The following CTPS2 variants were observed in gnomAD, a reference collection of about 807,000 sequenced individuals.
CTPS2 encodes the protein CTP synthase 2, also known as CTP synthase II.
CTPS2 carries 19 observed loss-of-function variants against 46.8 expected under a neutral mutation model. The observed-to-expected ratio is 0.41, with a 90% CI of 0.28 to 0.60. The LOEUF is 0.60. Among genes scored for constraint, CTPS2 ranks in the 20% least tolerant of loss-of-function variants. CTPS2 has a pLI of 0.35. For missense variants in CTPS2, 286 were observed against 447.6 expected (o/e 0.64, Z 3.26); for synonymous variants, 151 against 165.2 (o/e 0.91, Z 0.66).
At chrX:16,601,572 CGGGG>C (rs5901589) in intron 17 of CTPS2, among the ~76,000 whole-genome samples, 102 of 70,632 alleles carry the variant, frequency 1.4e-3, no homozygotes, top group Middle Eastern at 7.2e-3. Flanking sequence ...GGGAAGCCAT[CGGGG>C]GGGGGGGGGT....
chrX:16,648,185 G>C (rs766168378), intron 13 of CTPS2, among the ~76,000 whole-genome samples: 59 of 112,104 alleles, frequency 5.3e-4, no homozygotes, highest in Non-Finnish European at 9.2e-4. Flanking sequence ...TGAGAGAAAA[G>C]ATGATTTAAG....
intron 10 of CTPS2, among the ~76,000 whole-genome samples, chrX:16,671,505 CTTTTT>C (rs11323776): frequency 2.1e-5 from 1 of 48,062 alleles, no homozygotes. Context: ...TAACATTTTT[CTTTTT>C]TTTTTTTTTT....
chrX:16,679,106 C>T (rs1194041878), intron 9 of CTPS2, among the ~76,000 whole-genome samples: 1 of 110,937 alleles, frequency 9.0e-6, no homozygotes, highest in Non-Finnish European at 1.9e-5. Context: ...GCCTGTAATC[C>T]CAGCACTTTG....
intron 14 of CTPS2, among the ~76,000 whole-genome samples, chrX:16,624,777 A>G (rs770687948): frequency 9.8e-5 from 11 of 112,017 alleles, no homozygotes; most frequent in Non-Finnish European, 1.9e-4. Flanking sequence ...TTTTAGAGAC[A>G]AAATAAAATG....
At chrX:16,596,092 T>C (rs1284038003) in intron 17 of CTPS2, among the ~76,000 whole-genome samples, 1 of 111,563 alleles carries the variant, frequency 9.0e-6, no homozygotes. Context: ...CAGGCTGGCC[T>C]AGAACTCCTG....
intron 13 of CTPS2, among the ~76,000 whole-genome samples, chrX:16,640,374 A>G (rs1932020771): frequency 9.0e-6 from 1 of 110,850 alleles, no homozygotes; most frequent in Non-Finnish European, 1.9e-5. Flanking sequence ...TCCACTATCC[A>G]ACATCAGCCA....
chrX:16,595,249 A>G (rs1929170503), intron 17 of CTPS2, among the ~76,000 whole-genome samples: 2 of 111,779 alleles, frequency 1.8e-5, no homozygotes, highest in Admixed American at 1.9e-4. Flanking sequence ...AATTTTATGA[A>G]GTGGTATAAA....
At chrX:16,655,342 G>T (rs1351964563) in intron 13 of CTPS2, among the ~76,000 whole-genome samples, 2 of 111,522 alleles carry the variant, frequency 1.8e-5, no homozygotes, top group Non-Finnish European at 3.8e-5. Context: ...GGAAGACCTT[G>T]GGCCCTCTCA....
At chrX:16,670,448 A>G (rs1425305257) in intron 11 of CTPS2, 132 bp downstream of exon 11, 1 of 486,278 alleles carries the variant, frequency 2.1e-6, no homozygotes, top group African/African-American at 2.4e-5. Flanking sequence ...TTGACCCTAT[A>G]GCAGACTATT....
intron 1 of CTPS2, among the ~76,000 whole-genome samples, chrX:16,711,125 A>G (rs1178704834): frequency 8.9e-6 from 1 of 112,324 alleles, no homozygotes; most frequent in African/African-American, 3.2e-5. Flanking sequence ...CTAATAAAAA[A>G]TATTACACAG....
rs761470414 is a variant in CTPS2, at chrX:16,592,098, G to T, written c.1692-1236C>A. ...TCTCTTTTTTTTTTTTAAGAAATGG[G>T]GCTGGAGTGTGTGTGTGTGTGAGTG... On this transcript the variant is annotated intron_variant, in intron 17 of 18. Transcript: ENST00000359276. 5.5e-5 allele frequency among the ~76,000 whole-genome samples: 6 copies of T among 108,901 alleles called. No individual in the cohort carries two copies. In the East Asian group the frequency reaches 1.4e-3, roughly 26 times the overall value. 94.6% of individuals were successfully genotyped at this position (108,901 alleles called of 115,157 possible). A position where few individuals can be genotyped will look rare whatever the true frequency, so the allele number is the denominator to read the frequency against.
intron 10 of CTPS2, among the ~76,000 whole-genome samples, chrX:16,675,253 G>A (rs1922175572): frequency 1.0e-5 from 1 of 96,988 alleles, no homozygotes; most frequent in African/African-American, 3.9e-5. Flanking sequence ...CGGTGACAGA[G>A]CAAGAGACTG....
chrX:16,688,425 G>A (rs1219510641), intron 8 of CTPS2, among the ~76,000 whole-genome samples: 1 of 103,048 alleles, frequency 9.7e-6, no homozygotes, highest in Non-Finnish European at 1.9e-5. Flanking sequence ...AAGTGACAGG[G>A]ACTTAATTTC....
chrX:16,642,590 T>C (rs1489273966), intron 13 of CTPS2, among the ~76,000 whole-genome samples: 1 of 111,558 alleles, frequency 9.0e-6, no homozygotes, highest in Non-Finnish European at 1.9e-5. Flanking sequence ...GAGACTATGG[T>C]GCCCAAGCCT....
At chrX:16,711,027 G>A (rs1379757889) in intron 1 of CTPS2, among the ~76,000 whole-genome samples, 3 of 112,096 alleles carry the variant, frequency 2.7e-5, no homozygotes, top group Non-Finnish European at 5.6e-5. Context: ...CTGGTGTCAA[G>A]ACAAGTTTTT....
At chrX:16,605,468 T>A (rs1602125712) in intron 17 of CTPS2, among the ~76,000 whole-genome samples, 1 of 111,887 alleles carries the variant, frequency 8.9e-6, no homozygotes, top group Non-Finnish European at 1.9e-5. Context: ...ACACCTGTAA[T>A]CCCAGCACTT....
Position 16,669,952 on chromosome X carries a change from G to A in CTPS2, c.1189+628C>T, listed in dbSNP as rs762473819. 3.6e-5 allele frequency among the ~76,000 whole-genome samples: 4 copies of A among 110,787 alleles called. No homozygotes were observed. The South Asian group carries it at 1.5e-3, about 43-fold the overall frequency. ...AAAAAGGCTCAACTCGGCCGGGCAC[G>A]GGGGCTCAAGCCTGTAATCCCCACA... On this transcript the variant is annotated intron_variant, in intron 11 of 18. Transcript: ENST00000359276.
At chrX:16,645,556 G>A (rs774716110) in intron 13 of CTPS2, among the ~76,000 whole-genome samples, 5 of 112,057 alleles carry the variant, frequency 4.5e-5, no homozygotes, top group African/African-American at 1.6e-4. Context: ...CTGCGCTGCT[G>A]TGTCACCAAG....
chrX:16,655,044 C>T (rs1372337820), intron 13 of CTPS2, among the ~76,000 whole-genome samples: 1 of 111,852 alleles, frequency 8.9e-6, no homozygotes, highest in Non-Finnish European at 1.9e-5. Flanking sequence ...CCAGAATCAC[C>T]CTGTTGCTTG....
Sources: allele counts gnomAD v4.1 joint callset (sites outside exome capture counted in the v4.1 genomes callset), GRCh38; gene constraint gnomAD v4.1.1; transcripts MANE v1.5; gene names NCBI Gene and HGNC (gene_info 2026-07-23, HGNC 2026-07-21).